Variants in NUP98 observed in about 807,000 individuals in gnomAD.
The protein encoded by NUP98 is nuclear pore complex protein Nup98-Nup96.
Under a neutral mutation model 191.9 loss-of-function variants are expected in NUP98, and 26 were observed. That is an observed-to-expected ratio of 0.14 (90% CI 0.10 to 0.19). The LOEUF is 0.19. Among genes scored for constraint, NUP98 ranks in the 10% least tolerant of loss-of-function variants. The pLI is 1.00. For missense variants in NUP98, 1,941 were observed against 2,178.8 expected, an observed-to-expected ratio of 0.89 and a Z score of 2.17; for synonymous variants, 808 against 778.4, an observed-to-expected ratio of 1.04 and a Z score of -0.63.
Position 3,778,913 on chromosome 11 carries a change from T to A in NUP98, c.315A>T (p.Gln105His), listed in dbSNP as rs1275280491. The change falls in exon 4 of 33, where the codon CAA becomes CAT. Residue 105 changes from glutamine (Q) to histidine (H), a missense_variant. By Grantham distance (24) the Gln-to-His change is conservative. Transcript: ENST00000324932. ...GTTTATTTTGTGCAAAGGCATTGTT[T>A]TGGGATGAGAAGAGACTGGTCCCTG... is the stretch of plus-strand genomic sequence containing the variant. ...ASTGTSLFSS[Q>H]NNAFAQNKPT... The A allele has an allele frequency of 2.5e-6, 4 of 1,614,180 alleles. No homozygotes were observed. The East Asian group carries it at 8.9e-5, about 36-fold the overall frequency.
chr11:3,701,254 AAT>A (rs1491416506), intron 23 of NUP98, among the ~76,000 whole-genome samples: 3 of 136,542 alleles, frequency 2.2e-5, no homozygotes, highest in Non-Finnish European at 4.6e-5. Flanking sequence ...GGCTTGTTCC[AAT>A]TTTTTTTTTT....
chr11:3,735,755 G>T (rs1589837748), intron 12 of NUP98, among the ~76,000 whole-genome samples: 1 of 59,778 alleles, frequency 1.7e-5, no homozygotes, highest in South Asian at 6.2e-4. Context: ...AGTAGTGTGT[G>T]TGTGTGTGTG....
At chr11:3,776,214 C>T (rs540851983) in intron 4 of NUP98, among the ~76,000 whole-genome samples, 193 bp from the exon 5 acceptor site, 2 of 151,202 alleles carry the variant, frequency 1.3e-5, no homozygotes, top group African/African-American at 4.9e-5. Flanking sequence ...CTTGACCTCA[C>T]AGGCTCAAGC....
intron 1 of NUP98, among the ~76,000 whole-genome samples, chr11:3,788,089 T>C (rs981005777): frequency 2.6e-5 from 4 of 152,206 alleles, no homozygotes; most frequent in Non-Finnish European, 4.4e-5. Context: ...ATATTTGTTA[T>C]TATACCTGCC....
intron 20 of NUP98, among the ~76,000 whole-genome samples, chr11:3,707,685 GC>G (rs2078898575): frequency 7.7e-6 from 1 of 130,244 alleles, no homozygotes; most frequent in African/African-American, 2.9e-5. Flanking sequence ...GTTGTAGTGA[GC>G]CAAGACTGGG....
intron 30 of NUP98, among the ~76,000 whole-genome samples, chr11:3,680,475 G>A (rs1289296521): frequency 3.3e-5 from 5 of 152,098 alleles, no homozygotes; most frequent in African/African-American, 1.2e-4. Context: ...ATGAGGGCTG[G>A]ATTCAATGCC....
At chr11:3,689,269 G>A (rs1450350505) in intron 28 of NUP98, among the ~76,000 whole-genome samples, 3 of 152,206 alleles carry the variant, frequency 2.0e-5, no homozygotes, top group Middle Eastern at 6.8e-3. Context: ...GCTCGCGCCT[G>A]TAATCCCAGC....
chr11:3,764,858 G>A (rs958188981), intron 8 of NUP98, among the ~76,000 whole-genome samples: 4 of 152,220 alleles, frequency 2.6e-5, no homozygotes, highest in Admixed American at 1.3e-4. Context: ...GATTAAAGGC[G>A]TGAGCCACCG....
intron 11 of NUP98, among the ~76,000 whole-genome samples, chr11:3,749,074 C>T (rs866636008): frequency 2.0e-5 from 3 of 150,586 alleles, no homozygotes; most frequent in African/African-American, 4.9e-5. Context: ...TTTGGGAGGC[C>T]GAGGCGGGTG....
chr11:3,701,244 G>A (rs574709009), intron 23 of NUP98, among the ~76,000 whole-genome samples: 1 of 149,848 alleles, frequency 6.7e-6, no homozygotes, highest in East Asian at 1.9e-4. Flanking sequence ...AGCTAAGCTA[G>A]GCTTGTTCCA....
intron 11 of NUP98, among the ~76,000 whole-genome samples, chr11:3,751,363 A>C (rs1247451218): frequency 2.6e-5 from 4 of 152,118 alleles, no homozygotes; most frequent in Non-Finnish European, 5.9e-5. Context: ...CGACTCAAAA[A>C]ACAAACAAGA....
At chr11:3,728,212 G>C (rs747852940) in intron 14 of NUP98, among the ~76,000 whole-genome samples, 1 of 152,172 alleles carries the variant, frequency 6.6e-6, no homozygotes, top group Admixed American at 6.5e-5. Context: ...AGTAAGTTTA[G>C]AGTGGAGTAA....
rs548417967 is a variant in NUP98 at position 3,727,978 on chromosome 11, G to A, written c.1731-2759C>T. Among the ~76,000 whole-genome samples, 6 of 152,180 alleles carry A rather than the reference G, an allele frequency of 3.9e-5. No homozygotes were observed. In the South Asian group the frequency reaches 6.2e-4, roughly 16 times the overall value. On this transcript the variant is annotated intron_variant, in intron 14 of 32. Transcript: ENST00000324932. ...CAAGGGTGCAGTGAGCTATGACAGC[G>A]CCACCGCACTCCAGCCTGGGTGACA...
rs183358583 is a variant in NUP98 at position 3,779,549 on chromosome 11, G to A, written c.77-292C>T. Among the ~76,000 whole-genome samples the A allele has an allele frequency of 1.6e-3, 247 of 152,020 alleles. 1 individual carries two copies. Among genetic ancestry groups the A allele is most frequent in the African/African-American group, 5.7e-3 (237 of 41,454 alleles). ...CCAGCTACTAGGGAGGCTGAGGCAG[G>A]AGAACTGCTTGAATCTGGGAGGCAG... is the stretch of plus-strand genomic sequence containing the variant. On this transcript the variant is annotated intron_variant, in intron 2 of 32. Transcript: ENST00000324932.
intron 15 of NUP98, among the ~76,000 whole-genome samples, chr11:3,723,972 G>A (rs2079510851): frequency 6.6e-6 from 1 of 150,762 alleles, no homozygotes; most frequent in South Asian, 2.1e-4. Context: ...AACTGGTCAA[G>A]TTATCTTACA....
intron 10 of NUP98, among the ~76,000 whole-genome samples, chr11:3,755,836 C>T (rs569388199): frequency 6.6e-6 from 1 of 151,264 alleles, no homozygotes; most frequent in East Asian, 1.9e-4. Flanking sequence ...TGGTGGCAGG[C>T]GCCTATAATC....
intron 23 of NUP98, among the ~76,000 whole-genome samples, chr11:3,701,763 G>A (rs1396309053): frequency 1.3e-5 from 2 of 150,372 alleles, no homozygotes; most frequent in Non-Finnish European, 3.0e-5. Flanking sequence ...TCAGCTCACT[G>A]CAAGCTCCGC....
intron 10 of NUP98, among the ~76,000 whole-genome samples, chr11:3,753,639 G>A (rs755335755): frequency 5.9e-5 from 9 of 151,462 alleles, no homozygotes; most frequent in East Asian, 3.9e-4. Context: ...GGCCATGCGC[G>A]GTGGCTCACG....
At chr11:3,746,852 G>A (rs2134396437) in intron 11 of NUP98, among the ~76,000 whole-genome samples, 2 of 151,268 alleles carry the variant, frequency 1.3e-5, no homozygotes, top group African/African-American at 4.9e-5. Context: ...GGCGGAGGTT[G>A]CAGTGAGCCG....
Sources: allele counts gnomAD v4.1 joint callset (sites outside exome capture counted in the v4.1 genomes callset), GRCh38; gene constraint gnomAD v4.1.1; transcripts MANE v1.5; gene names NCBI Gene and HGNC (gene_info 2026-07-23, HGNC 2026-07-21).